EYA1: variants seen among roughly 807,000 people sequenced by gnomAD.
EYA1 encodes protein phosphatase EYA1.
A neutral mutation model predicts 82.0 loss-of-function variants in EYA1; 16 were observed. The observed-to-expected ratio is 0.20, with a 90% confidence interval of 0.13 to 0.30. The LOEUF (loss-of-function observed/expected upper bound fraction) is 0.30. Among genes scored for constraint, EYA1 ranks in the 10% least tolerant of loss-of-function variants. The pLI is 1.00. For missense variants in EYA1, 633 were observed against 730.7 expected (o/e 0.87, Z 1.54); for synonymous variants, 261 against 264.4 (o/e 0.99, Z 0.12).
At chr8:71,341,685 A>G (rs1825138498) in intron 3 of EYA1, among the ~76,000 whole-genome samples, 1 of 152,204 alleles carries the variant, frequency 6.6e-6, no homozygotes, top group African/African-American at 2.4e-5. Context: ...GCTATATAGC[A>G]TATGATCATT....
intron 9 of EYA1, among the ~76,000 whole-genome samples, chr8:71,280,712 T>C (rs745881651): frequency 1.9e-4 from 29 of 152,228 alleles, no homozygotes; most frequent in African/African-American, 6.5e-4. Context: ...CTTGCTTTTT[T>C]TCCGATAAAA....
chr8:71,285,290 T>C (rs1165835765), intron 9 of EYA1, among the ~76,000 whole-genome samples: 1 of 152,136 alleles, frequency 6.6e-6, no homozygotes, highest in African/African-American at 2.4e-5. Flanking sequence ...AGTAATTAGA[T>C]GAACAAGTGT....
At chr8:71,522,764 C>T (rs1813498075) in intron 2 of EYA1, among the ~76,000 whole-genome samples, 1 of 151,984 alleles carries the variant, frequency 6.6e-6, no homozygotes, top group African/African-American at 2.4e-5. Flanking sequence ...CCCATGCCAC[C>T]ACACCTGGCT....
Position 71,228,445 on chromosome 8 carries a change from C to T in EYA1, c.1141-11422G>A, listed in dbSNP as rs368192422. Reference sequence around the variant, plus strand: ...AAAAGGGGAAATGGAGTTGGCTGCCCGAAAGGAAAAAAAAAAGGGAAAGTT... The same window carrying T: ...AAAAGGGGAAATGGAGTTGGCTGCCTGAAAGGAAAAAAAAAAGGGAAAGTT... On this transcript the variant is annotated intron_variant, in intron 12 of 17. Transcript: ENST00000340726. Among the ~76,000 whole-genome samples, 203 of 150,078 alleles carry T rather than the reference C, an allele frequency of 1.4e-3. 1 individual carries two copies. Among genetic ancestry groups the T allele is most frequent in the South Asian group, 4.4e-3 (21 of 4,766 alleles).
At chr8:71,254,156 C>T (rs975845304) in intron 11 of EYA1, among the ~76,000 whole-genome samples, 1 of 145,926 alleles carries the variant, frequency 6.9e-6, no homozygotes, top group Admixed American at 7.0e-5. Flanking sequence ...TAATGGACTG[C>T]TGAAGGAGCT....
At chr8:71,353,753 A>G (rs1009000594) in intron 3 of EYA1, among the ~76,000 whole-genome samples, 1 of 152,108 alleles carries the variant, frequency 6.6e-6, no homozygotes, top group African/African-American at 2.4e-5. Flanking sequence ...AGCTTTGTTT[A>G]TTTTTTTAAA....
intron 2 of EYA1, among the ~76,000 whole-genome samples, chr8:71,535,514 T>C (rs1814644189): frequency 3.9e-5 from 6 of 152,236 alleles, no homozygotes; most frequent in Admixed American, 3.9e-4. Flanking sequence ...GGTTAGGTTT[T>C]TCCAGTATGA....
intron 7 of EYA1, among the ~76,000 whole-genome samples, chr8:71,303,044 C>A (rs1355131419): frequency 2.8e-5 from 4 of 142,394 alleles, no homozygotes; most frequent in African/African-American, 9.9e-5. Context: ...ACATTCCAGC[C>A]TAACCCTAGT....
intron 11 of EYA1, among the ~76,000 whole-genome samples, chr8:71,259,390 C>T (rs551191619): frequency 6.6e-6 from 1 of 152,284 alleles, no homozygotes; most frequent in South Asian, 2.1e-4. Context: ...CAGTGAGTTC[C>T]CACTCCTGGA....
chr8:71,515,530 G>A (rs1317549879), intron 2 of EYA1, among the ~76,000 whole-genome samples: 1 of 151,634 alleles, frequency 6.6e-6, no homozygotes, highest in Non-Finnish European at 1.5e-5. Context: ...TAGTGATAAA[G>A]TTCATACTAC....
intron 2 of EYA1, among the ~76,000 whole-genome samples, chr8:71,425,198 G>C (rs1185424365): frequency 6.6e-6 from 1 of 151,554 alleles, no homozygotes; most frequent in Non-Finnish European, 1.5e-5. Context: ...CAGGAGAATG[G>C]TGTGAACCCG....
At chr8:71,411,595 G>A (rs1440118222) in intron 2 of EYA1, among the ~76,000 whole-genome samples, 2 of 151,586 alleles carry the variant, frequency 1.3e-5, no homozygotes, top group Admixed American at 6.6e-5. Flanking sequence ...CTTCTCAAAA[G>A]AAGACATTTA....
chr8:71,314,309 T>C (rs559031057), intron 7 of EYA1, among the ~76,000 whole-genome samples: 10 of 152,318 alleles, frequency 6.6e-5, no homozygotes, highest in Non-Finnish European at 1.3e-4. Context: ...CTGCATTTAA[T>C]ATTTAAGAAC....
chr8:71,417,205 A>G (rs1830900946), intron 2 of EYA1, among the ~76,000 whole-genome samples: 1 of 152,204 alleles, frequency 6.6e-6, no homozygotes. Flanking sequence ...CATGTGAGTC[A>G]GTACTCCTTA....
intron 2 of EYA1, among the ~76,000 whole-genome samples, chr8:71,417,949 G>A (rs1184340036): frequency 6.6e-6 from 1 of 152,132 alleles, no homozygotes; most frequent in Non-Finnish European, 1.5e-5. Context: ...GAATGCCTCT[G>A]TCCATTTCAC....
chr8:71,300,563 T>C (rs1820094728), intron 7 of EYA1, among the ~76,000 whole-genome samples: 1 of 152,194 alleles, frequency 6.6e-6, no homozygotes, highest in South Asian at 2.1e-4. Flanking sequence ...TCTGTTTGGC[T>C]ATTTGGCTTA....
chr8:71,508,489 G>T lies in EYA1; in HGVS notation c.33+27255C>A, dbSNP rs143549630. Reference sequence around the variant, plus strand: ...TGTGTAGGGTTGCTATGATCTAAATGTTTATGTCCCCACAAAATTCCTGTT... The same window carrying T: ...TGTGTAGGGTTGCTATGATCTAAATTTTTATGTCCCCACAAAATTCCTGTT... On this transcript the variant is annotated intron_variant, in intron 2 of 18. Transcript: ENST00000643681. 7.6e-3 allele frequency among the ~76,000 whole-genome samples: 1,159 copies of T among 152,248 alleles called. 26 individuals are homozygous for T. Among genetic ancestry groups the T allele is most frequent in the Non-Finnish European group, 5.9e-3 (401 of 68,026 alleles).
chr8:71,406,684 A>T (rs1830255353), intron 2 of EYA1, among the ~76,000 whole-genome samples: 1 of 152,114 alleles, frequency 6.6e-6, no homozygotes, highest in African/African-American at 2.4e-5. Context: ...AAAACCGCTC[A>T]CCAGGAGATT....
intron 2 of EYA1, among the ~76,000 whole-genome samples, chr8:71,429,312 C>A (rs73687717): frequency 6.6e-6 from 1 of 152,092 alleles, no homozygotes; most frequent in Non-Finnish European, 1.5e-5. Context: ...AAATCACTTT[C>A]ATTTTAATAA....
Sources: allele counts gnomAD v4.1 joint callset (sites outside exome capture counted in the v4.1 genomes callset), GRCh38; gene constraint gnomAD v4.1.1; transcripts MANE v1.5; gene names NCBI Gene and HGNC (gene_info 2026-07-23, HGNC 2026-07-21).